The following CILK1 variants were observed in gnomAD, a reference collection of about 807,000 sequenced individuals.
The protein encoded by CILK1 is ciliogenesis associated kinase 1.
In CILK1, 47 loss-of-function variants were observed where a neutral mutation model predicts 79.2. The ratio of observed to expected loss-of-function variants is 0.59; its 90% CI spans 0.47 to 0.76. The LOEUF (loss-of-function observed/expected upper bound fraction) is 0.76, where lower values mean the gene tolerates loss of function less well. Ranked by LOEUF, CILK1 falls within the 30% of genes least tolerant of loss-of-function variation. CILK1 has a pLI of 0.00. For synonymous variants in CILK1, 266 were observed against 275.9 expected (o/e 0.96, Z 0.36); for missense variants, 660 against 769.5 (o/e 0.86, Z 1.68).
At chr6:53,016,325 C>T (rs1353022138) in intron 7 of CILK1, 75 bp from the exon 8 acceptor site, 1 of 1,497,342 alleles carries the variant, frequency 6.7e-7, no homozygotes, top group Non-Finnish European at 9.3e-7. Context: ...GCATGTGTGC[C>T]CCAAATGGAA....
At chr6:53,013,527 A>G (rs575232300) in intron 9 of CILK1, 135 bp downstream of exon 9, 1 of 853,978 alleles carries the variant, frequency 1.2e-6, no homozygotes, top group Admixed American at 2.2e-5. Flanking sequence ...GGGTCTTTAC[A>G]ATTCCATGCT....
chr6:53,031,486 C>T (rs1281582745), intron 4 of CILK1, among the ~76,000 whole-genome samples: 2 of 152,142 alleles, frequency 1.3e-5, no homozygotes, highest in Non-Finnish European at 2.9e-5. Context: ...AGCACACTGC[C>T]GTCATTGTCA....
At chr6:53,020,636 C>A (rs1443374521) in intron 5 of CILK1, among the ~76,000 whole-genome samples, 1 of 152,076 alleles carries the variant, frequency 6.6e-6, no homozygotes, top group African/African-American at 2.4e-5. Flanking sequence ...TGAAAAAATC[C>A]AAATTCAGAA....
chr6:53,050,129 TAC>T (rs755739567), intron 1 of CILK1, among the ~76,000 whole-genome samples: 1 of 152,150 alleles, frequency 6.6e-6, no homozygotes, highest in African/African-American at 2.4e-5. Flanking sequence ...CATCTACATC[TAC>T]AGAGTCAGTG....
Position 53,037,973 on chromosome 6 carries a change from G to T in CILK1, c.122C>A (p.Ser41Tyr). 1 of 1,594,288 alleles carries T rather than the reference G, an allele frequency of 6.3e-7. No homozygotes were observed. Among genetic ancestry groups the T allele is most frequent in the Non-Finnish European group, 8.6e-7 (1 of 1,162,214 alleles). ...AIKKMKRKFY[S>Y]WEECMNLREV... ...CCGAAGGTTCATGCATTCCTCCCAG[G>T]AATAAAATTTTCTTTTCATTCTAGA... is the stretch of plus-strand genomic sequence containing the variant. Residue 41 changes from serine (S) to tyrosine (Y), a missense_variant, in exon 3 of 14, where the codon TCC becomes TAC. By Grantham distance (144) the Ser-to-Tyr change is moderately radical. Transcript: ENST00000676107.
chr6:53,060,251 T>C (rs1768322891), intron 1 of CILK1, among the ~76,000 whole-genome samples: 1 of 152,166 alleles, frequency 6.6e-6, no homozygotes, highest in Admixed American at 6.5e-5. Context: ...GAGAAGAAAC[T>C]TCAGTGAAAA....
chr6:53,012,806 TACTA>T (rs1395407397), intron 9 of CILK1, among the ~76,000 whole-genome samples: 3 of 152,180 alleles, frequency 2.0e-5, no homozygotes, highest in South Asian at 2.1e-4. Context: ...AGTCAGCAAA[TACTA>T]ACTGACACAG....
rs560372940 is a variant in CILK1, at chr6:53,019,825, T to G, written c.359-466A>C. ...GGCACAAACCATGGTGCCTGGCTAG[T>G]TTTTTTGTTTTTTTTTTTTTTGTTT... On this transcript the variant is annotated intron_variant, in intron 5 of 13. Coordinates refer to ENST00000676107, the MANE Select transcript of CILK1 (RefSeq NM_014920.5). 2.4e-3 allele frequency among the ~76,000 whole-genome samples: 321 copies of G among 133,306 alleles called. 2 individuals are homozygous for G. The highest frequency in any genetic ancestry group is 8.6e-3 in the African/African-American group (300 of 34,688). The allele number at this position is 133,306 out of a possible 152,430, so 87.5% of individuals were successfully genotyped here. A position where few individuals can be genotyped will look rare whatever the true frequency, so the allele number is the denominator to read the frequency against.
At chr6:53,028,945 G>C (rs1436661279) in intron 5 of CILK1, among the ~76,000 whole-genome samples, 1 of 152,006 alleles carries the variant, frequency 6.6e-6, no homozygotes, top group Admixed American at 6.6e-5. Context: ...TGTGGTCTAT[G>C]TGTTTGTGTG....
At chr6:53,026,877 A>G (rs1765614427) in intron 5 of CILK1, among the ~76,000 whole-genome samples, 2 of 152,228 alleles carry the variant, frequency 1.3e-5, no homozygotes, top group South Asian at 4.1e-4. Flanking sequence ...ATGCCAGCTG[A>G]ATAACAGAGG....
Position 53,012,320 on chromosome 6 carries a change from A to C in CILK1, c.1153-93T>G. The C allele has an allele frequency of 2.5e-6, 3 of 1,177,952 alleles. No individual in the cohort carries two copies. In the East Asian group the frequency reaches 7.4e-5, roughly 29 times the overall value. The allele number at this position is 1,177,952 out of a possible 1,614,324, so 73.0% of individuals were successfully genotyped here. On this transcript the variant is annotated intron_variant, in intron 9 of 13. Coordinates refer to ENST00000676107, the MANE Select transcript of CILK1 (RefSeq NM_014920.5). ...CCATCTGAACTTTCTCTGCTATGCAAAGGAGGCTCCTGGGGCATAACATTG... is the reference window on the plus strand; with the variant it reads ...CCATCTGAACTTTCTCTGCTATGCACAGGAGGCTCCTGGGGCATAACATTG...
chr6:53,020,092 C>T (rs1268458787), intron 5 of CILK1, among the ~76,000 whole-genome samples: 1 of 152,092 alleles, frequency 6.6e-6, no homozygotes, highest in Admixed American at 6.6e-5. Flanking sequence ...GTGTATGTTG[C>T]AACATATGTT....
At chr6:53,036,759 A>G (rs1036426139) in intron 3 of CILK1, among the ~76,000 whole-genome samples, 2 of 152,240 alleles carry the variant, frequency 1.3e-5, no homozygotes, top group African/African-American at 2.4e-5. Context: ...AACGGTTGCA[A>G]TCAGTTTGAT....
At chr6:53,055,853 C>T (rs140007963) in intron 1 of CILK1, among the ~76,000 whole-genome samples, 17 of 151,928 alleles carry the variant, frequency 1.1e-4, no homozygotes, top group Non-Finnish European at 2.4e-4. Context: ...GAAGTAAAGG[C>T]GAAATGTTAA....
intron 7 of CILK1, among the ~76,000 whole-genome samples, chr6:53,017,073 G>T (rs1764933317): frequency 6.6e-6 from 1 of 152,182 alleles, no homozygotes; most frequent in South Asian, 2.1e-4. Flanking sequence ...TTTAAAAATG[G>T]TATAATGCAG....
intron 3 of CILK1, among the ~76,000 whole-genome samples, chr6:53,034,394 G>A (rs1229624998): frequency 6.6e-6 from 1 of 152,202 alleles, no homozygotes; most frequent in Non-Finnish European, 1.5e-5. Flanking sequence ...GGGACGTCAA[G>A]TGACTGGCTT....
chr6:53,052,986 G>T (rs1581769799), intron 1 of CILK1, among the ~76,000 whole-genome samples: 1 of 142,308 alleles, frequency 7.0e-6, no homozygotes, highest in South Asian at 2.2e-4. Flanking sequence ...ATAGCCACTT[G>T]TTTTACTGGA....
rs1764028362 is a variant in CILK1 at position 53,003,235 on chromosome 6, G to A, written c.*1914C>T. On this transcript the variant is annotated 3_prime_UTR_variant, in exon 14 of 14. Transcript: ENST00000676107. ...TTATGTGCTTTTCTCATGCCCCTAG[G>A]GATCATGGTGCTTGGTCAAGTATAT... The A allele has an allele frequency of 6.6e-6, 1 of 152,490 alleles. No homozygotes were observed. Among genetic ancestry groups the A allele is most frequent in the South Asian group, 2.1e-4 (1 of 4,826 alleles). The allele number at this position is 152,490 out of a possible 1,614,324, so 9.4% of individuals were successfully genotyped here.
At chr6:53,019,104 G>T in intron 6 of CILK1, 123 bp downstream of exon 6, 1 of 892,286 alleles carries the variant, frequency 1.1e-6, no homozygotes, top group Non-Finnish European at 1.8e-6. Context: ...ATAAATATAT[G>T]TTTCAGACTG....
Sources: gnomAD v4.1 joint callset for allele counts (sites outside exome capture counted in the v4.1 genomes callset) on GRCh38, gnomAD v4.1.1 for gene constraint, MANE v1.5 for transcripts, NCBI Gene and HGNC (gene_info 2026-07-23, HGNC 2026-07-21) for gene names.